SNX8: variants seen among roughly 807,000 people sequenced by gnomAD.
SNX8 encodes the protein sorting nexin-8.
SNX8 carries 25 observed loss-of-function variants against 51.6 expected under a neutral mutation model. That is an observed-to-expected ratio of 0.48 (90% CI 0.35 to 0.68). The LOEUF is 0.68. Among genes scored for constraint, SNX8 ranks in the 30% least tolerant of loss-of-function variants. The probability of loss-of-function intolerance (pLI) is 0.00; values close to 1 mark genes in which losing one functional copy is unlikely to be tolerated. For synonymous variants in SNX8, 324 were observed against 277.0 expected (o/e 1.17, Z -1.68); for missense variants, 695 against 624.0 (o/e 1.11, Z -1.21).
intron 1 of SNX8, among the ~76,000 whole-genome samples, chr7:2,346,137 TA>T (rs1779020148): frequency 6.6e-6 from 1 of 152,092 alleles, no homozygotes; most frequent in Non-Finnish European, 1.5e-5. Flanking sequence ...GGGTCTACTA[TA>T]AATCAATAAA....
At position 2,252,653 on chromosome 7, in the gene SNX8, C is replaced by T. The variant is rs1235652423; in HGVS notation, c.*2403G>A. 2 of 128,324 alleles carry T rather than the reference C, an allele frequency of 1.6e-5. No homozygotes were observed. The highest frequency in any genetic ancestry group is 3.2e-5 in the African/African-American group (1 of 31,310). The allele number at this position is 128,324 out of a possible 1,614,324, so 7.9% of individuals were successfully genotyped here. The stretch of plus-strand genomic sequence containing the variant: ...CCCTTCACCCTGCCCTCCTGACCCT[C>T]CCACCCCTGCCTTCCTGCCCCCCCA... On this transcript the variant is annotated 3_prime_UTR_variant, in exon 11 of 11. Transcript: ENST00000222990.
At chr7:2,313,140 C>T (rs1221575477) in intron 1 of SNX8, among the ~76,000 whole-genome samples, 1 of 151,916 alleles carries the variant, frequency 6.6e-6, no homozygotes, top group Non-Finnish European at 1.5e-5. Flanking sequence ...ACCTCGTGAT[C>T]CGCCCGCCTC....
chr7:2,332,743 A>AAAGG lies in SNX8; in HGVS notation c.-66+21475_-66+21478dup, dbSNP rs57859551. The stretch of plus-strand genomic sequence containing the variant: ...CCAGTGAGAGAGAGAGAGAGAGAGA[A>AAAGG]AAGGAAGGAAGGAAGGAAGGAAGGA... On this transcript the variant is annotated intron_variant, in intron 1 of 5. Coordinates refer to the SNX8 transcript ENST00000435336. Among the ~76,000 whole-genome samples, 1,183 of 140,364 alleles carry AAAGG rather than the reference A, an allele frequency of 8.4e-3. 23 individuals are homozygous for AAAGG. The highest frequency in any genetic ancestry group is 0.026 in the African/African-American group (983 of 37,298). The allele number at this position is 140,364 out of a possible 152,430, so 92.1% of individuals were successfully genotyped here.
intron 1 of SNX8, among the ~76,000 whole-genome samples, chr7:2,320,725 G>A (rs767885006): frequency 4.7e-5 from 7 of 150,484 alleles, no homozygotes; most frequent in African/African-American, 7.3e-5. Flanking sequence ...CTCTGGCTCC[G>A]AAAATATAAA....
intron 1 of SNX8, among the ~76,000 whole-genome samples, chr7:2,280,126 CG>C (rs1795877582): frequency 6.6e-6 from 1 of 152,132 alleles, no homozygotes; most frequent in Admixed American, 6.6e-5. Context: ...ACCACATGCA[CG>C]GAAGAATTAA....
chr7:2,353,280 A>G (rs1779201627), intron 1 of SNX8, among the ~76,000 whole-genome samples: 1 of 151,964 alleles, frequency 6.6e-6, no homozygotes, highest in African/African-American at 2.4e-5. Context: ...GCACTTTGGG[A>G]GGCTGAGGTG....
intron 1 of SNX8, among the ~76,000 whole-genome samples, chr7:2,347,603 A>T (rs1583130030): frequency 6.8e-6 from 1 of 147,210 alleles, no homozygotes; most frequent in African/African-American, 2.5e-5. Flanking sequence ...ATTTGGGGCC[A>T]CACTGGATTC....
chr7:2,276,256 A>AG (rs1795777746), intron 2 of SNX8, among the ~76,000 whole-genome samples: 1 of 152,192 alleles, frequency 6.6e-6, no homozygotes, highest in Non-Finnish European at 1.5e-5. Context: ...CCCAGAAGGA[A>AG]GGGGTGGCTC....
rs375487151 is a variant in SNX8, at chr7:2,327,686, C to T, written c.-66+26536G>A. 1.3e-3 allele frequency among the ~76,000 whole-genome samples: 189 copies of T among 150,052 alleles called. 1 individual carries two copies. The highest frequency in any genetic ancestry group is 4.4e-3 in the African/African-American group (178 of 40,658). On this transcript the variant is annotated intron_variant, in intron 1 of 5. Transcript: ENST00000435336. Reference sequence around the variant, plus strand: ...CCTCCCAAAGTGCTGGGATTACAGGCGTGAGCCATCGCACCCGGCCTAATT... The same window carrying T: ...CCTCCCAAAGTGCTGGGATTACAGGTGTGAGCCATCGCACCCGGCCTAATT...
chr7:2,305,271 G>A (rs1368793008), intron 1 of SNX8, among the ~76,000 whole-genome samples: 1 of 152,164 alleles, frequency 6.6e-6, no homozygotes, highest in Non-Finnish European at 1.5e-5. Context: ...AATCCAACGG[G>A]ACTTGGGGCA....
chr7:2,262,771 G>A (rs537312569), intron 7 of SNX8, among the ~76,000 whole-genome samples: 15 of 152,366 alleles, frequency 9.8e-5, no homozygotes, highest in Non-Finnish European at 5.9e-5. Flanking sequence ...ACCAGGAACA[G>A]ATGTGGATGG....
chr7:2,264,275 G>A, intron 6 of SNX8, 23 bp downstream of exon 6: 1 of 1,599,208 alleles, frequency 6.3e-7, no homozygotes, highest in Non-Finnish European at 8.5e-7. Context: ...GCGTGCCCCT[G>A]CAGAAGCTGA....
chr7:2,285,894 G>C (rs1796016103), intron 1 of SNX8, among the ~76,000 whole-genome samples: 1 of 151,852 alleles, frequency 6.6e-6, no homozygotes, highest in Non-Finnish European at 1.5e-5. Flanking sequence ...TGTTGCCCAG[G>C]CTGGTCTCGA....
intron 4 of SNX8, among the ~76,000 whole-genome samples, chr7:2,270,733 CA>C (rs1433018577): frequency 6.6e-6 from 1 of 152,170 alleles, no homozygotes; most frequent in East Asian, 1.9e-4. Flanking sequence ...ATCTCAGGCA[CA>C]GGGGGAAGGC....
intron 9 of SNX8, 40 bp downstream of exon 9, chr7:2,257,325 A>C: frequency 6.3e-7 from 1 of 1,585,666 alleles, no homozygotes; most frequent in East Asian, 2.3e-5. Flanking sequence ...CCGGGAGGGG[A>C]AAGGCTCCCA....
intron 7 of SNX8, 60 bp downstream of exon 7, chr7:2,263,170 C>A: frequency 6.3e-7 from 1 of 1,576,912 alleles, no homozygotes; most frequent in Non-Finnish European, 8.6e-7. Context: ...GGAGGCACTC[C>A]CCATGCAAAG....
Position 2,278,139 on chromosome 7 carries a change from G to T in SNX8, c.261C>A (p.Gly87=). Residue 87 remains glycine (G), a synonymous_variant, in exon 2 of 11, where the codon GGC becomes GGA. Transcript: ENST00000222990. ...VQVELIPEKK[G]LFLKHVEYEV... ...CATACTCCACATGCTTCAGGAAGAG[G>T]CCCTTCTTCTCCGGAATGAGCTCCA... 6.2e-7 allele frequency: 1 copy of T among 1,614,132 alleles called. No homozygotes were observed. The highest frequency in any genetic ancestry group is 8.5e-7 in the Non-Finnish European group (1 of 1,180,014).
chr7:2,298,052 C>T (rs1388702924), intron 1 of SNX8, among the ~76,000 whole-genome samples: 1 of 151,962 alleles, frequency 6.6e-6, no homozygotes, highest in African/African-American at 2.4e-5. Flanking sequence ...TTAAAAGAAA[C>T]ACTAAAAAAA....
chr7:2,276,132 T>C (rs1372892943), intron 2 of SNX8, among the ~76,000 whole-genome samples: 5 of 152,168 alleles, frequency 3.3e-5, no homozygotes, highest in Admixed American at 2.6e-4. Flanking sequence ...GCAATGAATT[T>C]ACTTAAGGGA....
Sources: allele counts gnomAD v4.1 joint callset (sites outside exome capture counted in the v4.1 genomes callset), GRCh38; gene constraint gnomAD v4.1.1; transcripts MANE v1.5; gene names NCBI Gene and HGNC (gene_info 2026-07-23, HGNC 2026-07-21).